The following TMED3 variants were observed in gnomAD, a reference collection of about 807,000 sequenced individuals.
The protein encoded by TMED3 is transmembrane p24 trafficking protein 3.
In TMED3, 9 loss-of-function variants were observed where a neutral mutation model predicts 15.0. The observed-to-expected ratio is 0.60, with a 90% CI of 0.36 to 1.04. TMED3 has a LOEUF of 1.04. Ranked by LOEUF, TMED3 falls within the 50% of genes least tolerant of loss-of-function variation. The pLI, the probability that TMED3 is intolerant of heterozygous loss-of-function variation, is 0.01. For missense variants in TMED3, 267 were observed against 278.9 expected (o/e 0.96, Z 0.30); for synonymous variants, 117 against 121.4 (o/e 0.96, Z 0.24).
chr15:79,380,138 G>T (rs1282913731), intron 2 of TMED3, among the ~76,000 whole-genome samples: 2 of 152,070 alleles, frequency 1.3e-5, no homozygotes, highest in African/African-American at 4.8e-5. Context: ...GGATCACGAG[G>T]TCAGGAGTTC....
intron 2 of TMED3, among the ~76,000 whole-genome samples, chr15:79,404,917 A>G (rs1220596755): frequency 6.6e-6 from 1 of 152,216 alleles, no homozygotes; most frequent in East Asian, 1.9e-4. Context: ...TTCCTCCTCT[A>G]TCTGTTAATC....
intron 2 of TMED3, among the ~76,000 whole-genome samples, chr15:79,358,804 C>A (rs189876173): frequency 6.6e-6 from 1 of 152,128 alleles, no homozygotes; most frequent in Non-Finnish European, 1.5e-5. Context: ...AATGGCTGGG[C>A]CTATTTGCTC....
chr15:79,380,553 G>GTTA (rs1893511027), intron 2 of TMED3, among the ~76,000 whole-genome samples: 1 of 145,468 alleles, frequency 6.9e-6, no homozygotes, highest in Admixed American at 7.0e-5. Flanking sequence ...ATATATAGTT[G>GTTA]TATATATGTA....
At chr15:79,353,291 A>ATATAT in intron 2 of TMED3, among the ~76,000 whole-genome samples, 2 of 26,666 alleles carry the variant, frequency 7.5e-5, no homozygotes, top group African/African-American at 3.8e-4. Context: ...TATATATTAT[A>ATATAT]TGTATATTAT....
chr15:79,358,120 A>G (rs1893048999), intron 2 of TMED3, among the ~76,000 whole-genome samples: 2 of 152,192 alleles, frequency 1.3e-5, no homozygotes, highest in South Asian at 2.1e-4. Flanking sequence ...AGACCAGAGT[A>G]TGGAGGTCAG....
In TMED3 at chr15:79,404,439, C is replaced by T. The variant is rs111653724; in HGVS notation, c.418-6961C>T. 4.7e-4 allele frequency among the ~76,000 whole-genome samples: 72 copies of T among 152,358 alleles called. 1 individual carries two copies. Among genetic ancestry groups the T allele is most frequent in the African/African-American group, 1.6e-3 (65 of 41,592 alleles). On this transcript the variant is annotated intron_variant, in intron 2 of 2. Transcript: ENST00000424155. ...GCATCCTCCCTTGTTTCTGTAGCCT[C>T]TCCATTCATGGGTCCATTGCCCAAG...
chr15:79,369,530 G>A (rs1595902761), intron 2 of TMED3, among the ~76,000 whole-genome samples: 2 of 152,236 alleles, frequency 1.3e-5, no homozygotes, highest in African/African-American at 4.8e-5. Flanking sequence ...TTGGAAATAA[G>A]TCCCTTTATA....
chr15:79,368,478 GAT>G (rs1179070764), intron 2 of TMED3, among the ~76,000 whole-genome samples: 1 of 152,156 alleles, frequency 6.6e-6, no homozygotes, highest in Non-Finnish European at 1.5e-5. Context: ...ACCTCTGTAA[GAT>G]AGTGTTAGAA....
At chr15:79,394,109 C>G (rs1893733394) in intron 2 of TMED3, among the ~76,000 whole-genome samples, 1 of 152,038 alleles carries the variant, frequency 6.6e-6, no homozygotes, top group Non-Finnish European at 1.5e-5. Context: ...TGTTAAAATG[C>G]TGAGAGCTGA....
intron 2 of TMED3, among the ~76,000 whole-genome samples, chr15:79,400,884 A>C (rs1893824951): frequency 1.3e-5 from 2 of 152,250 alleles, no homozygotes; most frequent in Non-Finnish European, 2.9e-5. Flanking sequence ...TATTATCATG[A>C]GAATGCGGCA....
At chr15:79,345,177 G>T (rs6495397) in intron 2 of TMED3, among the ~76,000 whole-genome samples, 14,200 of 152,064 alleles carry the variant, frequency 0.093, 703 homozygotes, top group Admixed American at 0.12. Context: ...TAAGTTCAGG[G>T]GTACATGTGC....
At chr15:79,321,175 C>T (rs781237191) in intron 2 of TMED3, among the ~76,000 whole-genome samples, 2 of 152,166 alleles carry the variant, frequency 1.3e-5, no homozygotes, top group Non-Finnish European at 2.9e-5. Context: ...GAATAACCTC[C>T]CCATCTTCAG....
intron 2 of TMED3, among the ~76,000 whole-genome samples, chr15:79,337,864 T>G (rs2058832714): frequency 6.6e-6 from 1 of 152,226 alleles, no homozygotes. Flanking sequence ...CAGCATTGTG[T>G]TTGGTGATAA....
chr15:79,353,436 A>T (rs1218042772), intron 2 of TMED3, among the ~76,000 whole-genome samples: 2 of 139,234 alleles, frequency 1.4e-5, no homozygotes, highest in Non-Finnish European at 3.0e-5. Flanking sequence ...ATTTTCTTAC[A>T]AACCAACAAT....
At chr15:79,373,865 C>T (rs537985176) in intron 2 of TMED3, among the ~76,000 whole-genome samples, 10 of 152,232 alleles carry the variant, frequency 6.6e-5, no homozygotes, top group African/African-American at 1.9e-4. Context: ...AAAGATGTCC[C>T]GATTGGCAGT....
At chr15:79,408,921 G>T (rs1893936247) in intron 2 of TMED3, among the ~76,000 whole-genome samples, 1 of 152,080 alleles carries the variant, frequency 6.6e-6, no homozygotes, top group Non-Finnish European at 1.5e-5. Flanking sequence ...TCTCTCTTTT[G>T]GTCTCTGTAA....
In TMED3 at chr15:79,321,993, G is replaced by T; in HGVS notation, c.433G>T (p.Val145Leu). The change falls in exon 3 of 3, where the codon GTG becomes TTG. Residue 145 changes from valine (V) to leucine (L), a missense_variant. Around this residue, in one of 3 missense-constraint regions of TMED3, gnomAD observed 139 missense variants for 125.0 expected, o/e 1.11. Transcript: ENST00000299705. ...TALTQMESAC[V>L]TIHEALKTVI... Reference sequence around the variant, plus strand: ...TCCTGCCCAGATGGAGTCCGCCTGCGTGACCATCCATGAGGCTCTGAAAAC... The same window carrying T: ...TCCTGCCCAGATGGAGTCCGCCTGCTTGACCATCCATGAGGCTCTGAAAAC... 6.2e-7 allele frequency: 1 copy of T among 1,614,160 alleles called. No individual in the cohort carries two copies. The highest frequency in any genetic ancestry group is 8.5e-7 in the Non-Finnish European group (1 of 1,180,020).
At chr15:79,331,585 T>A in intron 2 of TMED3, among the ~76,000 whole-genome samples, 1 of 143,376 alleles carries the variant, frequency 7.0e-6, no homozygotes, top group African/African-American at 2.5e-5. Flanking sequence ...CTAAAAAGTC[T>A]ACACAGCAAA....
chr15:79,401,216 G>C, intron 2 of TMED3, among the ~76,000 whole-genome samples: 1 of 152,198 alleles, frequency 6.6e-6, no homozygotes, highest in East Asian at 1.9e-4. Context: ...ATGATTGAAT[G>C]AATGAAATCA....
Sources: allele counts gnomAD v4.1 joint callset (sites outside exome capture counted in the v4.1 genomes callset), GRCh38; gene constraint gnomAD v4.1.1; regional missense constraint gnomAD v4.1.1; transcripts MANE v1.5; gene names NCBI Gene and HGNC (gene_info 2026-07-23, HGNC 2026-07-21).